Variants in SRPK2 observed in about 807,000 individuals in gnomAD.
SRPK2 encodes the protein SRSF protein kinase 2.
In SRPK2, 21 loss-of-function variants were observed where a neutral mutation model predicts 90.8. The ratio of observed to expected loss-of-function variants is 0.23; its 90% confidence interval spans 0.16 to 0.33. The LOEUF (loss-of-function observed/expected upper bound fraction) is 0.33. SRPK2 is among the 10% of genes least tolerant of loss of function. SRPK2 has a pLI of 1.00. For missense variants in SRPK2, 620 were observed against 869.0 expected (o/e 0.71, Z 3.60); for synonymous variants, 288 against 311.1 (o/e 0.93, Z 0.78).
At chr7:105,398,759 G>C (rs1275579515) in intron 1 of SRPK2, among the ~76,000 whole-genome samples, 1 of 152,174 alleles carries the variant, frequency 6.6e-6, no homozygotes, top group South Asian at 2.1e-4. Context: ...CATCATAATA[G>C]TGTAACATAG....
chr7:105,227,356 T>C (rs900536611), intron 2 of SRPK2, among the ~76,000 whole-genome samples: 11 of 152,002 alleles, frequency 7.2e-5, no homozygotes, highest in African/African-American at 2.4e-4. Context: ...TTCCCCTAAG[T>C]CCCCAAAGTC....
intron 2 of SRPK2, among the ~76,000 whole-genome samples, chr7:105,375,172 TA>T (rs1251158668): frequency 6.6e-6 from 1 of 152,124 alleles, no homozygotes; most frequent in South Asian, 2.1e-4. Flanking sequence ...AATTTATGTT[TA>T]AAAAAATGTG....
chr7:105,324,380 T>C (rs1212251218), intron 2 of SRPK2, among the ~76,000 whole-genome samples: 3 of 151,770 alleles, frequency 2.0e-5, no homozygotes, highest in Non-Finnish European at 4.4e-5. Context: ...TGGAGTGCAA[T>C]GGCGCGATCT....
At position 105,316,003 on chromosome 7, in the gene SRPK2, G is replaced by A. The variant is rs146847111; in HGVS notation, c.71+72645C>T. Among the ~76,000 whole-genome samples the A allele has an allele frequency of 2.1e-3, 306 of 149,000 alleles. 1 individual carries two copies. The highest frequency in any genetic ancestry group is 6.8e-3 in the African/African-American group (277 of 40,912). ...GAAAGCAAAAAGGTGTACACTAAAC[G>A]AAAAGACATCTTTAGGTAATTTTTT... is the stretch of plus-strand genomic sequence containing the variant. On this transcript the variant is annotated intron_variant, in intron 2 of 15. Coordinates refer to ENST00000393651, the MANE Select transcript of SRPK2 (RefSeq NM_182692.3).
At chr7:105,395,332 A>G (rs1314202325) in intron 1 of SRPK2, among the ~76,000 whole-genome samples, 2 of 152,040 alleles carry the variant, frequency 1.3e-5, no homozygotes, top group Non-Finnish European at 2.9e-5. Context: ...ACCTCTATCA[A>G]CTAAAAAATA....
intron 2 of SRPK2, among the ~76,000 whole-genome samples, chr7:105,370,637 ACAGACTCTCGCTCTGCACCC>A: frequency 8.0e-6 from 1 of 125,722 alleles, no homozygotes; most frequent in Middle Eastern, 5.7e-3. Context: ...TTTTTTTGAG[ACAGACTCTCGCTCTGCACCC>A]CAGGCTGGAG....
At chr7:105,129,547 G>A (rs1184689347) in intron 13 of SRPK2, among the ~76,000 whole-genome samples, 2 of 102,566 alleles carry the variant, frequency 1.9e-5, no homozygotes, top group African/African-American at 5.7e-5. Flanking sequence ...GCTAATTTTT[G>A]TATTTTCAGT....
At chr7:105,296,276 C>T (rs918817352) in intron 2 of SRPK2, among the ~76,000 whole-genome samples, 1 of 152,136 alleles carries the variant, frequency 6.6e-6, no homozygotes, top group African/African-American at 2.4e-5. Flanking sequence ...CACAGAGAAG[C>T]AAGAAAGTGG....
chr7:105,311,295 C>T (rs1459722346), intron 2 of SRPK2, among the ~76,000 whole-genome samples: 2 of 152,002 alleles, frequency 1.3e-5, no homozygotes, highest in Admixed American at 6.6e-5. Flanking sequence ...TACAATGGCG[C>T]GATCTGGACT....
chr7:105,202,821 T>C lies in SRPK2; in HGVS notation c.229+807A>G, dbSNP rs545246016. 5.3e-5 allele frequency among the ~76,000 whole-genome samples: 8 copies of C among 152,308 alleles called. No individual in the cohort carries two copies. In the South Asian group the frequency reaches 8.3e-4, roughly 16 times the overall value. ...GTGCATGCTTGCTTCCCACAGACAA[T>C]AAACGCTATGTAATTCAATGCTACA... On this transcript the variant is annotated intron_variant, in intron 3 of 15. Transcript: ENST00000393651.
At chr7:105,182,351 C>A (rs945781655) in intron 3 of SRPK2, among the ~76,000 whole-genome samples, 3 of 150,340 alleles carry the variant, frequency 2.0e-5, no homozygotes, top group Admixed American at 2.0e-4. Flanking sequence ...AATAAATTAA[C>A]TATGTTTGAG....
chr7:105,285,340 G>C (rs889255244), intron 2 of SRPK2, among the ~76,000 whole-genome samples: 2 of 133,996 alleles, frequency 1.5e-5, no homozygotes, highest in African/African-American at 5.8e-5. Context: ...AGCCAACATC[G>C]TACCACTGCA....
chr7:105,338,103 A>G (rs565899727), intron 2 of SRPK2, among the ~76,000 whole-genome samples: 2 of 152,036 alleles, frequency 1.3e-5, no homozygotes, highest in East Asian at 1.9e-4. Flanking sequence ...AACTTTTTCA[A>G]TGTAACTCCT....
chr7:105,305,428 G>A (rs535667565), intron 2 of SRPK2, among the ~76,000 whole-genome samples: 141 of 152,140 alleles, frequency 9.3e-4, no homozygotes, highest in Non-Finnish European at 7.1e-4. Flanking sequence ...ACAATAGAGC[G>A]AGACTCTGTC....
At chr7:105,352,814 T>C (rs535647754) in intron 2 of SRPK2, among the ~76,000 whole-genome samples, 6 of 152,212 alleles carry the variant, frequency 3.9e-5, no homozygotes, top group African/African-American at 9.6e-5. Flanking sequence ...GGCAGGAGAA[T>C]TGCTTGAACC....
In SRPK2 at chr7:105,371,835, T is replaced by C. The variant is rs1012242744; in HGVS notation, c.71+16813A>G. Among the ~76,000 whole-genome samples, 4 of 152,086 alleles carry C rather than the reference T, an allele frequency of 2.6e-5. No individual in the cohort carries two copies. The East Asian group carries it at 7.7e-4, about 29-fold the overall frequency. Reference sequence around the variant, plus strand: ...AAATTTACAGTTCTAAAAACATAATTAAAAAATATGTTCCCTGGGCCGGGC... The same window carrying C: ...AAATTTACAGTTCTAAAAACATAATCAAAAAATATGTTCCCTGGGCCGGGC... On this transcript the variant is annotated intron_variant, in intron 2 of 15. Coordinates refer to ENST00000393651, the MANE Select transcript of SRPK2 (RefSeq NM_182692.3).
At chr7:105,285,517 T>C (rs1807975546) in intron 2 of SRPK2, among the ~76,000 whole-genome samples, 1 of 152,184 alleles carries the variant, frequency 6.6e-6, no homozygotes, top group African/African-American at 2.4e-5. Context: ...GTTTAGATAT[T>C]TGTCCACTTC....
At chr7:105,233,091 A>AGAAGGAAGAAGGAAG (rs1799679765) in intron 2 of SRPK2, among the ~76,000 whole-genome samples, 5 of 91,846 alleles carry the variant, frequency 5.4e-5, no homozygotes, top group African/African-American at 2.1e-4. Flanking sequence ...AAGGAAGGAA[A>AGAAGGAAGAAGGAAG]GAAGGAAGGA....
At chr7:105,246,251 G>A (rs1275424271) in intron 2 of SRPK2, among the ~76,000 whole-genome samples, 1 of 152,046 alleles carries the variant, frequency 6.6e-6, no homozygotes, top group Non-Finnish European at 1.5e-5. Flanking sequence ...AGCCCCTAAG[G>A]ACAGCCATAA....
Sources: allele counts gnomAD v4.1 joint callset (sites outside exome capture counted in the v4.1 genomes callset), GRCh38; gene constraint gnomAD v4.1.1; transcripts MANE v1.5; gene names NCBI Gene and HGNC (gene_info 2026-07-23, HGNC 2026-07-21).